Variants in BICD1 observed in about 807,000 individuals in gnomAD.
The protein encoded by BICD1 is protein bicaudal D homolog 1.
Under a neutral mutation model 92.5 loss-of-function variants are expected in BICD1, and 35 were observed. The ratio of observed to expected loss-of-function variants is 0.38; its 90% CI spans 0.29 to 0.50. The LOEUF (loss-of-function observed/expected upper bound fraction) is 0.50, where lower values mean the gene tolerates loss of function less well. Among genes scored for constraint, BICD1 ranks in the 20% least tolerant of loss-of-function variants. The pLI is 0.93. For missense variants in BICD1, 950 were observed against 1,189.8 expected (o/e 0.80, Z 2.97); for synonymous variants, 429 against 465.1 (o/e 0.92, Z 1.00).
At chr12:32,119,748 G>C (rs1348096165) in intron 1 of BICD1, among the ~76,000 whole-genome samples, 1 of 152,214 alleles carries the variant, frequency 6.6e-6, no homozygotes, top group East Asian at 1.9e-4. Flanking sequence ...GCATGCGCCT[G>C]TAGTCCCAGC....
intron 4 of BICD1, among the ~76,000 whole-genome samples, chr12:32,319,378 G>T (rs1466764910): frequency 6.6e-6 from 1 of 152,058 alleles, no homozygotes; most frequent in Non-Finnish European, 1.5e-5. Context: ...TATTCTATTA[G>T]TATGGTATAT....
intron 2 of BICD1, among the ~76,000 whole-genome samples, chr12:32,238,537 A>G (rs7136736): frequency 0.13 from 19,190 of 152,272 alleles, 2,007 homozygotes; most frequent in African/African-American, 0.28. Context: ...ATCGACTGCA[A>G]TTTTGAAAGA....
intron 2 of BICD1, among the ~76,000 whole-genome samples, chr12:32,242,159 T>C (rs1439091454): frequency 7.9e-6 from 1 of 126,152 alleles, no homozygotes; most frequent in Non-Finnish European, 1.5e-5. Context: ...AAGGCTGCAA[T>C]GAGCCATGAT....
intron 1 of BICD1, among the ~76,000 whole-genome samples, chr12:32,196,432 A>C (rs1944729777): frequency 6.6e-6 from 1 of 152,238 alleles, no homozygotes; most frequent in Admixed American, 6.5e-5. Context: ...GTGTATACAC[A>C]ATGGAATATT....
chr12:32,165,175 G>C (rs1011524042), intron 1 of BICD1, among the ~76,000 whole-genome samples: 17 of 152,300 alleles, frequency 1.1e-4, no homozygotes, highest in African/African-American at 4.1e-4. Context: ...TACTAGAAGA[G>C]ATATTTGAAA....
intron 8 of BICD1, among the ~76,000 whole-genome samples, chr12:32,351,487 C>CAAAAAAAAAAAA (rs35002678): frequency 1.7e-5 from 1 of 57,226 alleles, no homozygotes; most frequent in Non-Finnish European, 3.0e-5. Context: ...GACTCTGTCT[C>CAAAAAAAAAAAA]AAAAAAAAAA....
chr12:32,336,849 T>C lies in BICD1; in HGVS notation c.2253-650T>C, dbSNP rs1297877524. Among the ~76,000 whole-genome samples the C allele has an allele frequency of 2.0e-5, 3 of 152,272 alleles. No individual in the cohort carries two copies. In the East Asian group the frequency reaches 5.8e-4, roughly 29 times the overall value. On this transcript the variant is annotated intron_variant, in intron 6 of 9. Transcript: ENST00000652176. ...CATATGGGCTGGGTGCAGTGGCTGA[T>C]ACCTGTAATCGCAGCACTTTGGGAG...
At chr12:32,363,350 T>C (rs534349183) in intron 8 of BICD1, among the ~76,000 whole-genome samples, 1 of 152,282 alleles carries the variant, frequency 6.6e-6, no homozygotes, top group East Asian at 1.9e-4. Flanking sequence ...ACTCACTGCA[T>C]TACAGCCTGA....
intron 8 of BICD1, among the ~76,000 whole-genome samples, chr12:32,359,815 A>G (rs1212637863): frequency 6.6e-6 from 1 of 152,184 alleles, no homozygotes; most frequent in Non-Finnish European, 1.5e-5. Flanking sequence ...AGCAAAGATA[A>G]TAACTAAGAG....
chr12:32,310,316 C>T (rs1416373369), intron 4 of BICD1, among the ~76,000 whole-genome samples: 1 of 152,152 alleles, frequency 6.6e-6, no homozygotes, highest in Non-Finnish European at 1.5e-5. Context: ...CAGTGCTTAG[C>T]AGCAGAGAAA....
intron 1 of BICD1, among the ~76,000 whole-genome samples, chr12:32,130,557 T>C (rs1318568086): frequency 6.6e-6 from 1 of 152,204 alleles, no homozygotes; most frequent in Non-Finnish European, 1.5e-5. Flanking sequence ...TGTGAATTGC[T>C]GTGAACTTTG....
intron 1 of BICD1, among the ~76,000 whole-genome samples, chr12:32,205,605 T>G (rs1193403689): frequency 6.6e-6 from 1 of 151,080 alleles, no homozygotes; most frequent in Non-Finnish European, 1.5e-5. Flanking sequence ...AATGGAAAAA[T>G]TGAGGCTTGT....
chr12:32,165,341 C>A (rs1379034071), intron 1 of BICD1, among the ~76,000 whole-genome samples: 2 of 152,102 alleles, frequency 1.3e-5, no homozygotes, highest in African/African-American at 2.4e-5. Flanking sequence ...CGGTGAAACA[C>A]CGTCTCTACT....
chr12:32,307,451 G>A (rs1005260357), intron 4 of BICD1, among the ~76,000 whole-genome samples: 2 of 152,162 alleles, frequency 1.3e-5, no homozygotes, highest in African/African-American at 4.8e-5. Context: ...TCACCTGGGG[G>A]CTTATTTATA....
rs763253358 is a variant in BICD1, at chr12:32,327,626, C to G, written c.1171C>G (p.Leu391Val). 6.8e-6 allele frequency: 11 copies of G among 1,613,922 alleles called. No homozygotes were observed. The South Asian group carries it at 1.2e-4, about 18-fold the overall frequency. Residue 391 changes from leucine (L) to valine (V), a missense_variant, in exon 5 of 10, where the codon CTG becomes GTG. Around this residue, in one of 5 missense-constraint regions of BICD1, gnomAD observed 246 missense variants for 258.4 expected, o/e 0.95. Transcript: ENST00000652176. Reference protein sequence around the residue: ...LQSSKELKAELDGEKGRDSGE... With the variant: ...LQSSKELKAEVDGEKGRDSGE... The stretch of plus-strand genomic sequence containing the variant: ...AAGCAGCAAGGAGCTCAAGGCTGAG[C>G]TGGACGGGGAGAAGGGCCGGGACTC...
At chr12:32,192,483 T>G (rs1944604158) in intron 1 of BICD1, among the ~76,000 whole-genome samples, 1 of 142,466 alleles carries the variant, frequency 7.0e-6, no homozygotes, top group South Asian at 2.1e-4. Context: ...GATAGACAAA[T>G]AAAGCAAAAA....
At chr12:32,322,590 A>G (rs1006964066) in intron 4 of BICD1, among the ~76,000 whole-genome samples, 9 of 152,214 alleles carry the variant, frequency 5.9e-5, no homozygotes, top group Non-Finnish European at 1.2e-4. Flanking sequence ...CTAATAGGCC[A>G]CAAACTGGTA....
chr12:32,153,379 G>A (rs1194748014), intron 1 of BICD1, among the ~76,000 whole-genome samples: 1 of 152,118 alleles, frequency 6.6e-6, no homozygotes, highest in Non-Finnish European at 1.5e-5. Flanking sequence ...ATAAACATGT[G>A]AGTGCCCTTG....
intron 3 of BICD1, among the ~76,000 whole-genome samples, chr12:32,295,981 C>G (rs889202851): frequency 1.2e-4 from 18 of 151,972 alleles, no homozygotes; most frequent in Non-Finnish European, 7.4e-5. Context: ...ATTGCCACTT[C>G]CCCCAGATTT....
Sources: gnomAD v4.1 joint callset for allele counts (sites outside exome capture counted in the v4.1 genomes callset) on GRCh38, gnomAD v4.1.1 for gene constraint, gnomAD v4.1.1 regional missense constraint, MANE v1.5 for transcripts, NCBI Gene and HGNC (gene_info 2026-07-23, HGNC 2026-07-21) for gene names.